The following SLC25A42 variants were observed in gnomAD, a reference collection of about 807,000 sequenced individuals.
SLC25A42 encodes mitochondrial coenzyme A transporter SLC25A42.
A neutral mutation model predicts 34.7 loss-of-function variants in SLC25A42; 19 were observed. That is an observed-to-expected ratio of 0.55 (90% confidence interval 0.38 to 0.80). The LOEUF (loss-of-function observed/expected upper bound fraction) is 0.80. Ranked by LOEUF, SLC25A42 falls within the 30% of genes least tolerant of loss-of-function variation. The pLI, the probability that SLC25A42 is intolerant of heterozygous loss-of-function variation, is 0.00. For synonymous variants in SLC25A42, 205 were observed against 191.2 expected (o/e 1.07, Z -0.59); for missense variants, 364 against 441.3 (o/e 0.82, Z 1.57).
At chr19:19,076,056 A>C (rs1304676653) in intron 1 of SLC25A42, among the ~76,000 whole-genome samples, 2 of 152,212 alleles carry the variant, frequency 1.3e-5, no homozygotes, top group African/African-American at 4.8e-5. Context: ...GACAGGGAGC[A>C]GAGCGAGTGG....
intron 1 of SLC25A42, among the ~76,000 whole-genome samples, chr19:19,087,823 GAGGGAGAGCTGT>G (rs1450347475): frequency 6.6e-6 from 1 of 152,266 alleles, no homozygotes; most frequent in African/African-American, 2.4e-5. Context: ...AGGCAGGGGA[GAGGGAGAGCTGT>G]GGAGTGGAAA....
At chr19:19,076,489 G>C (rs1238683299) in intron 1 of SLC25A42, among the ~76,000 whole-genome samples, 2 of 151,804 alleles carry the variant, frequency 1.3e-5, no homozygotes, top group Non-Finnish European at 2.9e-5. Flanking sequence ...AAACAAAACA[G>C]GTGTTCTCCA....
intron 1 of SLC25A42, among the ~76,000 whole-genome samples, chr19:19,071,997 G>A (rs1260380899): frequency 4.6e-5 from 7 of 152,226 alleles, no homozygotes; most frequent in East Asian, 1.9e-4. Context: ...GGCATGGGGC[G>A]ACCCAGGATG....
chr19:19,066,512 G>A (rs1385077101), intron 1 of SLC25A42, among the ~76,000 whole-genome samples: 25 of 148,412 alleles, frequency 1.7e-4, no homozygotes, highest in African/African-American at 6.0e-4. Flanking sequence ...GCAGTGGCGC[G>A]ATCTCGGCTC....
intron 1 of SLC25A42, among the ~76,000 whole-genome samples, chr19:19,082,063 C>T (rs928858348): frequency 6.6e-6 from 1 of 152,168 alleles, no homozygotes; most frequent in African/African-American, 2.4e-5. Flanking sequence ...GTCCACCTCC[C>T]GTCACTCCCC....
At chr19:19,076,263 GA>G (rs1447728096) in intron 1 of SLC25A42, among the ~76,000 whole-genome samples, 1 of 151,808 alleles carries the variant, frequency 6.6e-6, no homozygotes, top group Non-Finnish European at 1.5e-5. Context: ...AGGAGTTTGA[GA>G]CCAGCCTGCC....
chr19:19,068,884 G>T (rs1003217877), intron 1 of SLC25A42, among the ~76,000 whole-genome samples: 1 of 146,294 alleles, frequency 6.8e-6, no homozygotes, highest in Admixed American at 7.0e-5. Context: ...AAATTAGCTG[G>T]CCTTGTTGGC....
At chr19:19,076,811 C>A (rs2059657886) in intron 1 of SLC25A42, among the ~76,000 whole-genome samples, 1 of 152,108 alleles carries the variant, frequency 6.6e-6, no homozygotes, top group South Asian at 2.1e-4. Context: ...CTTCCTGCCC[C>A]CTCCCTGATA....
chr19:19,102,962 T>G (rs1361644877), intron 3 of SLC25A42, among the ~76,000 whole-genome samples: 1 of 152,102 alleles, frequency 6.6e-6, no homozygotes, highest in Non-Finnish European at 1.5e-5. Context: ...CTTCCTTGCT[T>G]CTTCCGGCTT....
chr19:19,093,114 T>C (rs757222), intron 1 of SLC25A42, among the ~76,000 whole-genome samples: 1 of 152,094 alleles, frequency 6.6e-6, no homozygotes, highest in Non-Finnish European at 1.5e-5. Context: ...TCAACCTCTT[T>C]GGCTCAGGTG....
At chr19:19,106,918 G>A (rs4808184) in intron 6 of SLC25A42, 105,462 of 134,844 alleles carry the variant, frequency 0.78, 41,359 homozygotes, top group East Asian at 0.89. Flanking sequence ...GGGCAATAGA[G>A]CCAGACTCTG....
intron 2 of SLC25A42, among the ~76,000 whole-genome samples, chr19:19,096,809 C>T (rs1466508408): frequency 1.3e-5 from 2 of 151,966 alleles, no homozygotes; most frequent in African/African-American, 4.8e-5. Context: ...TGGTGGTGCA[C>T]ACCTGTAATC....
At chr19:19,098,369 G>A (rs1599683277) in intron 2 of SLC25A42, among the ~76,000 whole-genome samples, 2 of 152,224 alleles carry the variant, frequency 1.3e-5, no homozygotes, top group African/African-American at 2.4e-5. Flanking sequence ...AGGCCAAGAC[G>A]GGAGGATTGC....
chr19:19,087,077 G>A lies in SLC25A42; in HGVS notation c.-34-9014G>A, dbSNP rs116317041. ...TAGATCTCTAGCATACTTGCCTTCC[G>A]TAACTGTAACTCTGTTCCATTTGAC... is the stretch of plus-strand genomic sequence containing the variant. On this transcript the variant is annotated intron_variant, in intron 1 of 7. Coordinates refer to ENST00000318596, the MANE Select transcript of SLC25A42 (RefSeq NM_178526.5). Among the ~76,000 whole-genome samples the A allele has an allele frequency of 6.7e-3, 1,017 of 152,066 alleles. 8 individuals carry two copies. Among genetic ancestry groups the A allele is most frequent in the African/African-American group, 0.024 (988 of 41,490 alleles).
intron 1 of SLC25A42, among the ~76,000 whole-genome samples, chr19:19,072,930 C>T (rs2059638316): frequency 6.6e-6 from 1 of 152,154 alleles, no homozygotes; most frequent in Non-Finnish European, 1.5e-5. Flanking sequence ...CCTTGAACTC[C>T]TGGCCTCAAG....
chr19:19,106,441 C>A, intron 6 of SLC25A42, 56 bp downstream of exon 6: 1 of 1,445,976 alleles, frequency 6.9e-7, no homozygotes, highest in Non-Finnish European at 9.5e-7. Context: ...GTCTCGGGGG[C>A]TCCCAGGTCG....
At chr19:19,066,148 C>T (rs1185583085) in intron 1 of SLC25A42, among the ~76,000 whole-genome samples, 4 of 152,200 alleles carry the variant, frequency 2.6e-5, no homozygotes, top group African/African-American at 4.8e-5. Flanking sequence ...TGAGCCACCA[C>T]ACCCGGCCTA....
chr19:19,085,384 CTTTT>C (rs11334289), intron 1 of SLC25A42, among the ~76,000 whole-genome samples: 2 of 141,770 alleles, frequency 1.4e-5, no homozygotes, highest in African/African-American at 2.6e-5. Flanking sequence ...CACATTTTTT[CTTTT>C]TTTTTTTTTT....
intron 1 of SLC25A42, among the ~76,000 whole-genome samples, chr19:19,080,770 A>G (rs2059677462): frequency 6.6e-6 from 1 of 151,902 alleles, no homozygotes; most frequent in Non-Finnish European, 1.5e-5. Flanking sequence ...AAACACAAAA[A>G]TTAGCTGGGC....
Sources: allele counts gnomAD v4.1 joint callset (sites outside exome capture counted in the v4.1 genomes callset), GRCh38; gene constraint gnomAD v4.1.1; transcripts MANE v1.5; gene names NCBI Gene and HGNC (gene_info 2026-07-23, HGNC 2026-07-21).